Variants in ACBD6 observed in about 807,000 individuals in gnomAD.
ACBD6 encodes the protein acyl-CoA-binding domain-containing protein 6.
A neutral mutation model predicts 37.2 loss-of-function variants in ACBD6; 28 were observed. The ratio of observed to expected loss-of-function variants is 0.75; its 90% CI spans 0.56 to 1.03. The LOEUF (loss-of-function observed/expected upper bound fraction) is 1.03. ACBD6 is among the 50% of genes least tolerant of loss of function. The pLI is 0.00. For missense variants in ACBD6, 340 were observed against 337.4 expected, an observed-to-expected ratio of 1.01 and a Z score of -0.06; for synonymous variants, 113 against 126.8, an observed-to-expected ratio of 0.89 and a Z score of 0.73.
chr1:180,450,405 T>C (rs535575355), intron 3 of ACBD6, among the ~76,000 whole-genome samples: 2 of 152,226 alleles, frequency 1.3e-5, no homozygotes, highest in South Asian at 2.1e-4. Context: ...TGAAGAACAA[T>C]TTTAGAAATC....
chr1:180,320,913 T>A (rs1348379871), intron 6 of ACBD6, among the ~76,000 whole-genome samples: 2 of 152,292 alleles, frequency 1.3e-5, no homozygotes, highest in East Asian at 1.9e-4. Context: ...TGTAGTAGTT[T>A]CATAGTTTGA....
chr1:180,427,757 A>C (rs1648645030), intron 4 of ACBD6, among the ~76,000 whole-genome samples: 1 of 152,108 alleles, frequency 6.6e-6, no homozygotes, highest in South Asian at 2.1e-4. Flanking sequence ...CCCTGTCTCC[A>C]CTAAAAATAC....
chr1:180,278,420 A>AAAAG (rs1649171480), intron 9 of ACBD6: 1 of 152,116 alleles, frequency 6.6e-6, no homozygotes, highest in East Asian at 1.9e-4. Context: ...ACTGGAGCCA[A>AAAAG]AAAGAGAGAG....
intron 3 of ACBD6, among the ~76,000 whole-genome samples, chr1:180,486,098 C>G (rs1363658895): frequency 6.6e-6 from 1 of 152,184 alleles, no homozygotes; most frequent in Non-Finnish European, 1.5e-5. Flanking sequence ...CAGGCCCTGA[C>G]CATTCTTTAC....
intron 3 of ACBD6, among the ~76,000 whole-genome samples, chr1:180,448,101 A>C (rs1042460702): frequency 3.9e-5 from 6 of 152,222 alleles, no homozygotes; most frequent in Non-Finnish European, 8.8e-5. Context: ...TAGCTACATT[A>C]GAATAAATAA....
At chr1:180,367,734 T>C (rs1278907806) in intron 6 of ACBD6, among the ~76,000 whole-genome samples, 1 of 152,220 alleles carries the variant, frequency 6.6e-6, no homozygotes. Context: ...TTCTTTTTTA[T>C]GGCTGCATAG....
At chr1:180,289,562 ACC>A (rs1649620704) in intron 7 of ACBD6, among the ~76,000 whole-genome samples, 1 of 152,100 alleles carries the variant, frequency 6.6e-6, no homozygotes, top group South Asian at 2.1e-4. Context: ...ACACACATAT[ACC>A]CTCCAACCTA....
At chr1:180,431,871 C>T (rs904906454) in intron 3 of ACBD6, among the ~76,000 whole-genome samples, 3 of 152,036 alleles carry the variant, frequency 2.0e-5, no homozygotes, top group East Asian at 3.9e-4. Flanking sequence ...CTAGGTGATA[C>T]TGGGTTTCGC....
intron 3 of ACBD6, chr1:180,435,732 A>G (rs1251173930): frequency 3.5e-6 from 3 of 846,384 alleles, no homozygotes; most frequent in African/African-American, 1.7e-5. Flanking sequence ...ACAGCAGGAA[A>G]CAGTAACACG....
intron 6 of ACBD6, among the ~76,000 whole-genome samples, chr1:180,318,758 G>C (rs1650935322): frequency 6.6e-6 from 1 of 152,194 alleles, no homozygotes; most frequent in Non-Finnish European, 1.5e-5. Flanking sequence ...TCTACTCTGA[G>C]GGTGGTTGGT....
intron 3 of ACBD6, among the ~76,000 whole-genome samples, chr1:180,489,069 G>A (rs1261491591): frequency 6.6e-6 from 1 of 152,082 alleles, no homozygotes; most frequent in Non-Finnish European, 1.5e-5. Context: ...AGGAGGCTGA[G>A]GCAGAAGAAT....
chr1:180,387,384 C>A (rs148756554), intron 6 of ACBD6, among the ~76,000 whole-genome samples: 233 of 152,248 alleles, frequency 1.5e-3, no homozygotes, highest in African/African-American at 5.4e-3. Context: ...GCTTTTAATT[C>A]CAGGGTGGGA....
At chr1:180,372,891 T>G (rs1435460852) in intron 6 of ACBD6, among the ~76,000 whole-genome samples, 1 of 152,174 alleles carries the variant, frequency 6.6e-6, no homozygotes, top group South Asian at 2.1e-4. Context: ...AAGCTACTTG[T>G]ATCCAAGCCA....
intron 1 of ACBD6, among the ~76,000 whole-genome samples, chr1:180,497,182 C>T (rs1451379492): frequency 1.3e-5 from 2 of 152,036 alleles, no homozygotes; most frequent in East Asian, 1.9e-4. Context: ...TGTTTTTTAT[C>T]CAGACACTAT....
At chr1:180,478,491 C>T (rs1571562098) in intron 3 of ACBD6, among the ~76,000 whole-genome samples, 1 of 145,130 alleles carries the variant, frequency 6.9e-6, no homozygotes, top group Middle Eastern at 3.5e-3. Context: ...ATAAATCTCT[C>T]TTTTTTTTTT....
At chr1:180,430,466 G>A (rs1286469120) in intron 3 of ACBD6, among the ~76,000 whole-genome samples, 1 of 152,080 alleles carries the variant, frequency 6.6e-6, no homozygotes, top group Non-Finnish European at 1.5e-5. Context: ...TGGGTACCTG[G>A]CTGGCAATCT....
At chr1:180,350,519 T>A (rs1218903229) in intron 6 of ACBD6, among the ~76,000 whole-genome samples, 1 of 152,134 alleles carries the variant, frequency 6.6e-6, no homozygotes, top group Non-Finnish European at 1.5e-5. Context: ...CTATTCCCTT[T>A]CTCCCTAGTA....
intron 5 of ACBD6, among the ~76,000 whole-genome samples, chr1:180,405,220 C>T (rs1448301845): frequency 6.6e-6 from 1 of 152,134 alleles, no homozygotes; most frequent in Admixed American, 6.5e-5. Flanking sequence ...TTACTTAGTA[C>T]TGTCACAGTT....
At chr1:180,435,030 C>G in intron 3 of ACBD6, 1 of 962,956 alleles carries the variant, frequency 1.0e-6, no homozygotes. Context: ...CGACAATACA[C>G]TAGGCACCGA....
Sources: gnomAD v4.1 joint callset for allele counts (sites outside exome capture counted in the v4.1 genomes callset) on GRCh38, gnomAD v4.1.1 for gene constraint, MANE v1.5 for transcripts, NCBI Gene and HGNC (gene_info 2026-07-23, HGNC 2026-07-21) for gene names.